The following SLC26A1 variants were observed in gnomAD, a reference collection of about 807,000 sequenced individuals.
The protein encoded by SLC26A1 is solute carrier family 26 member 1.
A neutral mutation model predicts 14.5 loss-of-function variants in SLC26A1; 18 were observed. The observed-to-expected ratio is 1.24, with a 90% CI of 0.86 to 1.84. The LOEUF (loss-of-function observed/expected upper bound fraction) is 1.84, where lower values mean the gene tolerates loss of function less well. SLC26A1 is among the 40% of genes most tolerant of loss of function. The pLI is 0.00. For missense variants in SLC26A1, 1,049 were observed against 1,020.0 expected (o/e 1.03, Z -0.39); for synonymous variants, 505 against 492.0 (o/e 1.03, Z -0.35).
intron 2 of SLC26A1, among the ~76,000 whole-genome samples, chr4:982,163 G>T (rs1161011897): frequency 6.6e-6 from 1 of 152,198 alleles, no homozygotes; most frequent in East Asian, 1.9e-4. Flanking sequence ...GCTGACCCCA[G>T]GCTCTCCTGG....
In SLC26A1 at chr4:988,584, G is replaced by A; in HGVS notation, c.*249C>T. 1 of 1,347,688 alleles carries A rather than the reference G, an allele frequency of 7.4e-7. No homozygotes were observed. Among genetic ancestry groups the A allele is most frequent in the Non-Finnish European group, 9.5e-7 (1 of 1,053,564 alleles). The allele number at this position is 1,347,688 out of a possible 1,614,324, so 83.5% of individuals were successfully genotyped here. On this transcript the variant is annotated 3_prime_UTR_variant, in exon 3 of 3. Transcript: ENST00000398516. The stretch of plus-strand genomic sequence containing the variant: ...CCTGAGCTGAGGGACGGTGCATTGG[G>A]GCCCAGCCAGCACTGTGGGCCAGCC...
rs372848776 is a variant in SLC26A1, at chr4:990,302, C to G, written c.637G>C (p.Asp213His). The change falls in exon 3 of 3, where the codon GAT (aspartate) becomes CAT (histidine). Residue 213 changes from aspartate to histidine, a missense_variant. Transcript: ENST00000398516. ...ACGGAGGCCCCCATGGCAAAGCCAT[C>G]GAGCAGTGGCTGTGAGAGGTAGGCG... ...VSAYLSQPLL[D>H]GFAMGASVTI... The G allele has an allele frequency of 2.4e-5, 39 of 1,604,608 alleles. No individual in the cohort carries two copies. The highest frequency in any genetic ancestry group is 3.2e-5 in the Non-Finnish European group (38 of 1,177,122).
In SLC26A1 at chr4:989,566, CA is replaced by C; in HGVS notation, c.1372del (p.Trp458GlyfsTer9). On this transcript the variant is annotated frameshift_variant, in exon 3 of 3. Transcript: ENST00000398516. LOFTEE classifies it low-confidence loss of function (END_TRUNC). Reference sequence around the variant, plus strand: ...CATCCGCCACAGCCGCGGGAGGTCCCACACCTTGCGCAGGGCCCCCCGCAGG... The same window carrying C: ...CATCCGCCACAGCCGCGGGAGGTCCCCACCTTGCGCAGGGCCCCCCGCAGG... ...VSLRGALRKV[W>X]DLPRLWRMSP... 6.3e-7 allele frequency: 1 copy of C among 1,589,850 alleles called. No homozygotes were observed. The highest frequency in any genetic ancestry group is 1.1e-5 in the South Asian group (1 of 87,570).
chr4:991,893 C>T (rs762319807), intron 1 of SLC26A1, 163 bp from the exon 2 acceptor site: 39 of 1,272,900 alleles, frequency 3.1e-5, no homozygotes, highest in South Asian at 1.5e-4. Flanking sequence ...GCCCCCTGCC[C>T]GGTATGGATG....
At chr4:983,507 A>G (rs1432474141), downstream of SLC26A1, among the ~76,000 whole-genome samples, 3 of 152,262 alleles carry the variant, frequency 2.0e-5, no homozygotes, top group East Asian at 5.8e-4. Context: ...AGAGGCCTCC[A>G]GGAACCGAAG....
chr4:992,874 G>T (rs943021421), intron 1 of SLC26A1: 2 of 152,238 alleles, frequency 1.3e-5, no homozygotes, highest in Non-Finnish European at 2.9e-5. Flanking sequence ...CAAAGACTTT[G>T]CTCCCAGGAC....
intron 1 of SLC26A1, 154 bp from the exon 2 acceptor site, chr4:991,884 C>T (rs1182742591): frequency 5.0e-6 from 7 of 1,392,806 alleles, no homozygotes; most frequent in South Asian, 1.2e-5. Context: ...CGGGCCCCAG[C>T]CCCCTGCCCG....
rs768949918 is a variant in SLC26A1, at chr4:989,581, GC to G, written c.1357del (p.Ala453ProfsTer14). The G allele has an allele frequency of 2.1e-5, 33 of 1,596,778 alleles. No homozygotes were observed. The South Asian group carries it at 3.2e-4, about 15-fold the overall frequency. On this transcript the variant is annotated frameshift_variant, in exon 3 of 3. Transcript: ENST00000398516. LOFTEE classifies it low-confidence loss of function (END_TRUNC). ...ACVIVVSLRG[A>X]LRKVWDLPRL... ...CGGGAGGTCCCACACCTTGCGCAGGGCCCCCCGCAGGCTGACCACGATGACG... is the reference window on the plus strand; with the variant it reads ...CGGGAGGTCCCACACCTTGCGCAGGGCCCCCGCAGGCTGACCACGATGACG...
chr4:989,497 CAG>C lies in SLC26A1; in HGVS notation c.1440_1441del (p.Cys481TyrfsTer53). The C allele has an allele frequency of 1.3e-6, 2 of 1,553,682 alleles. No individual in the cohort carries two copies. Among genetic ancestry groups the C allele is most frequent in the Non-Finnish European group, 1.7e-6 (2 of 1,149,178 alleles). On this transcript the variant is annotated frameshift_variant, in exon 3 of 3. Transcript: ENST00000398516. LOFTEE classifies it low-confidence loss of function (END_TRUNC). ...CCCGGCCTCTGTGCTGACCAGCATACAGGTGGCCGCGGTGCCTGCCCAGACCA... is the reference window on the plus strand; with the variant it reads ...CCCGGCCTCTGTGCTGACCAGCATACGTGGCCGCGGTGCCTGCCCAGACCA...
At chr4:987,284 G>A, downstream of SLC26A1, 1 of 1,499,332 alleles carries the variant, frequency 6.7e-7, no homozygotes, top group South Asian at 1.2e-5. Context: ...GCCGCACGGG[G>A]AGAGCTCGGG....
At chr4:980,036 A>G (rs888415372) in intron 2 of SLC26A1, among the ~76,000 whole-genome samples, 1 of 152,160 alleles carries the variant, frequency 6.6e-6, no homozygotes, top group Non-Finnish European at 1.5e-5. Context: ...GAGTGGAGGG[A>G]GCCCCAGTTC....
downstream of SLC26A1, chr4:986,665 G>C: frequency 2.4e-6 from 1 of 422,206 alleles, no homozygotes; most frequent in Admixed American, 2.5e-5. Flanking sequence ...GCTGGGGTGA[G>C]AAAATCGCTG....
chr4:987,149 C>T (rs745879759), downstream of SLC26A1: 8 of 1,417,320 alleles, frequency 5.6e-6, no homozygotes, highest in East Asian at 2.5e-4. Context: ...GCCGCGCCCC[C>T]GGTGGCCCCG....
chr4:993,259 C>G (rs1054196765), intron 1 of SLC26A1, 42 bp downstream of exon 1: 1 of 152,484 alleles, frequency 6.6e-6, no homozygotes, highest in East Asian at 1.9e-4. Flanking sequence ...TCCCACGCCC[C>G]CCTCTGCTGC....
chr4:988,356 A>T lies in SLC26A1; in HGVS notation c.*477T>A, dbSNP rs1239862770. On this transcript the variant is annotated 3_prime_UTR_variant, in exon 3 of 3. Coordinates refer to ENST00000398516, the MANE Select transcript of SLC26A1 (RefSeq NM_022042.4). ...CTGTGAGGGGGAGGCACGAGGTGTG[A>T]GGGGCACTTGGGTGTGTGGGGCCTT... 10 of 1,081,858 alleles carry T rather than the reference A, an allele frequency of 9.2e-6. No homozygotes were observed. Among genetic ancestry groups the T allele is most frequent in the Non-Finnish European group, 1.1e-5 (10 of 890,184 alleles). The allele number at this position is 1,081,858 out of a possible 1,614,324, so 67.0% of individuals were successfully genotyped here. A position where few individuals can be genotyped will look rare whatever the true frequency, so the allele number is the denominator to read the frequency against.
chr4:987,725 C>G lies in SLC26A1; in HGVS notation c.*1108G>C, dbSNP rs534171149. 5.5e-5 allele frequency: 88 copies of G among 1,589,310 alleles called. No homozygotes were observed. The Middle Eastern group carries it at 9.9e-4, about 18-fold the overall frequency. On this transcript the variant is annotated 3_prime_UTR_variant, in exon 3 of 3. Transcript: ENST00000398516. The stretch of plus-strand genomic sequence containing the variant: ...GCAGCGCCTGGATCCTGCGCCCGGG[C>G]AGTCCTGGGCTTGAACGTGTGTGTC...
downstream of SLC26A1, among the ~76,000 whole-genome samples, chr4:983,022 C>T (rs1713594009): frequency 6.6e-6 from 1 of 152,266 alleles, no homozygotes. Context: ...AGGCGCGGGC[C>T]TGGACAGGAC....
rs748936783 is a variant in SLC26A1, at chr4:990,026, C to T, written c.913G>A (p.Val305Met). The T allele has an allele frequency of 1.7e-5, 27 of 1,591,522 alleles. No homozygotes were observed. The highest frequency in any genetic ancestry group is 1.6e-4 in the Middle Eastern group (1 of 6,062). ...TTGTGGAGCTGCCCGAAGTGCGACA[C>T]GAGTGTGGCCACCACGATGACCAGC... is the stretch of plus-strand genomic sequence containing the variant. The part of the protein sequence containing the change: ...ELLVIVVATL[V>M]SHFGQLHKRF... The change falls in exon 3 of 3, where the codon GTG (valine) becomes ATG (methionine). Residue 305 changes from valine to methionine, a missense_variant. By Grantham distance (21) the Val-to-Met change is conservative. Coordinates refer to ENST00000398516, the MANE Select transcript of SLC26A1 (RefSeq NM_022042.4).
chr4:990,222 G>A lies in SLC26A1; in HGVS notation c.717C>T (p.His239=). 1 of 1,568,288 alleles carries A rather than the reference G, an allele frequency of 6.4e-7. No homozygotes were observed. Among genetic ancestry groups the A allele is most frequent in the Non-Finnish European group, 8.6e-7 (1 of 1,157,500 alleles). The change falls in exon 3 of 3, where the codon CAC becomes CAT. Residue 239 remains histidine (H), a synonymous_variant. Transcript: ENST00000398516. ...KHLLGVRIPR[H]QGPGMVVLTW... is the part of the protein sequence containing the mutation. ...TGAGGACCACCATGCCGGGCCCCTG[G>A]TGCCGCGGGATCCGCACGCCCAGCA...
Sources: allele counts gnomAD v4.1 joint callset (sites outside exome capture counted in the v4.1 genomes callset), GRCh38; gene constraint gnomAD v4.1.1; transcripts MANE v1.5; gene names NCBI Gene and HGNC (gene_info 2026-07-23, HGNC 2026-07-21).